Variants in EVI5 observed in about 807,000 individuals in gnomAD.
EVI5 encodes ecotropic viral integration site 5.
Under a neutral mutation model 112.0 loss-of-function variants are expected in EVI5, and 73 were observed. That is an observed-to-expected ratio of 0.65 (90% confidence interval 0.54 to 0.79). The LOEUF (loss-of-function observed/expected upper bound fraction) is 0.79, where lower values mean the gene tolerates loss of function less well. EVI5 is among the 30% of genes least tolerant of loss of function. The pLI, the probability that EVI5 is intolerant of heterozygous loss-of-function variation, is 0.00. For missense variants in EVI5, 900 were observed against 968.8 expected, an observed-to-expected ratio of 0.93 and a Z score of 0.94; for synonymous variants, 305 against 319.9, an observed-to-expected ratio of 0.95 and a Z score of 0.50.
intron 1 of EVI5, among the ~76,000 whole-genome samples, chr1:92,753,013 G>A (rs749577067): frequency 6.6e-6 from 1 of 152,032 alleles, no homozygotes; most frequent in Non-Finnish European, 1.5e-5. Flanking sequence ...ATGACATGAG[G>A]GCAAAACACT....
At chr1:92,694,506 T>C (rs1204510118) in intron 7 of EVI5, 118 bp from the exon 8 acceptor site, 8 of 620,422 alleles carry the variant, frequency 1.3e-5, no homozygotes, top group Non-Finnish European at 2.3e-5. Context: ...CTGGCAAACA[T>C]TTTCTGTCAA....
At chr1:92,784,298 G>A in intron 1 of EVI5, 12 of 985,306 alleles carry the variant, frequency 1.2e-5, no homozygotes, top group Non-Finnish European at 1.4e-5. Context: ...CTAGTCATAA[G>A]GTGATTCAGG....
chr1:92,652,756 T>C (rs1662348784), intron 13 of EVI5, among the ~76,000 whole-genome samples: 1 of 152,142 alleles, frequency 6.6e-6, no homozygotes, highest in African/African-American at 2.4e-5. Context: ...CCAGTTCTCT[T>C]CAGAAAGAAG....
intron 1 of EVI5, among the ~76,000 whole-genome samples, chr1:92,766,768 A>T (rs1362800574): frequency 6.6e-6 from 1 of 152,196 alleles, no homozygotes; most frequent in Non-Finnish European, 1.5e-5. Flanking sequence ...ATTACATGGA[A>T]AATTCCAGAA....
chr1:92,784,550 CTCCG>C (rs59297142), intron 1 of EVI5: 397,714 of 441,942 alleles, frequency 0.9, 179,565 homozygotes, highest in South Asian at 0.97. Flanking sequence ...CCCGAAGCTG[CTCCG>C]TCCCTCCACC....
chr1:92,778,989 C>A (rs1024742827), intron 1 of EVI5, among the ~76,000 whole-genome samples: 3 of 151,008 alleles, frequency 2.0e-5, no homozygotes, highest in Middle Eastern at 3.2e-3. Flanking sequence ...TTTTTTAATT[C>A]TCCATGTGAT....
chr1:92,710,320 C>A (rs1177781328), intron 2 of EVI5, among the ~76,000 whole-genome samples: 2 of 151,862 alleles, frequency 1.3e-5, no homozygotes, highest in African/African-American at 4.8e-5. Flanking sequence ...TGCACTCTAG[C>A]CAGGGTGACA....
intron 9 of EVI5, among the ~76,000 whole-genome samples, chr1:92,677,671 A>G (rs1006468020): frequency 1.3e-5 from 2 of 152,212 alleles, no homozygotes; most frequent in Non-Finnish European, 2.9e-5. Flanking sequence ...CATAGGAGGA[A>G]TAAGGTTAAT....
intron 19 of EVI5, among the ~76,000 whole-genome samples, chr1:92,536,790 T>C (rs1663978379): frequency 6.6e-6 from 1 of 152,116 alleles, no homozygotes. Flanking sequence ...GAGGAGACAA[T>C]GTGCTGTGTG....
intron 10 of EVI5, among the ~76,000 whole-genome samples, chr1:92,669,455 G>A (rs1309726117): frequency 4.7e-5 from 7 of 148,956 alleles, no homozygotes; most frequent in Non-Finnish European, 7.4e-5. Context: ...GGCTGAGGCA[G>A]GAGAATCACT....
chr1:92,595,620 G>A (rs1029692791), intron 18 of EVI5, among the ~76,000 whole-genome samples: 1 of 152,066 alleles, frequency 6.6e-6, no homozygotes, highest in Non-Finnish European at 1.5e-5. Context: ...GGAGGAGGGA[G>A]AAAAACATGG....
chr1:92,527,374 C>T (rs991067992), intron 19 of EVI5, among the ~76,000 whole-genome samples: 1 of 140,568 alleles, frequency 7.1e-6, no homozygotes, highest in African/African-American at 2.7e-5. Flanking sequence ...GAGATGGTGC[C>T]ACTGCACTCC....
intron 2 of EVI5, among the ~76,000 whole-genome samples, chr1:92,707,613 T>C (rs555912701): frequency 5.6e-4 from 86 of 152,286 alleles, no homozygotes; most frequent in African/African-American, 2.1e-3. Flanking sequence ...TATATACATA[T>C]TAGAATGGCT....
At chr1:92,585,663 C>G (rs1028329350) in intron 18 of EVI5, among the ~76,000 whole-genome samples, 2 of 151,976 alleles carry the variant, frequency 1.3e-5, no homozygotes, top group Admixed American at 6.6e-5. Context: ...AAATTAGATA[C>G]TTTTTAGAAA....
intron 1 of EVI5, among the ~76,000 whole-genome samples, chr1:92,748,288 T>C (rs1427980825): frequency 6.6e-6 from 1 of 152,048 alleles, no homozygotes; most frequent in African/African-American, 2.4e-5. Context: ...ACATGGAGAG[T>C]ACAGGCATTC....
In EVI5 at chr1:92,631,789, C is replaced by T. The variant is rs561197041; in HGVS notation, c.1527+4413G>A. ...TCAAAGGGAATGCTTCCAGTTTTTG[C>T]CCATTCAGTATGATATTGGCTGTGG... is the stretch of plus-strand genomic sequence containing the variant. On this transcript the variant is annotated intron_variant, in intron 14 of 19. Transcript: ENST00000684568. Among the ~76,000 whole-genome samples the T allele has an allele frequency of 6.9e-4, 105 of 152,244 alleles. 1 individual carries two copies. Among genetic ancestry groups the T allele is most frequent in the African/African-American group, 2.5e-3 (103 of 41,524 alleles).
At chr1:92,782,115 C>T (rs528974153) in intron 1 of EVI5, among the ~76,000 whole-genome samples, 134 of 151,484 alleles carry the variant, frequency 8.8e-4, no homozygotes, top group African/African-American at 2.3e-3. Context: ...AAAAATTAGC[C>T]GGGCATGGTG....
At chr1:92,600,689 T>G (rs1384699427) in intron 18 of EVI5, among the ~76,000 whole-genome samples, 3 of 152,176 alleles carry the variant, frequency 2.0e-5, no homozygotes, top group Non-Finnish European at 2.9e-5. Flanking sequence ...CAGTTCACAA[T>G]AGGATTCGTG....
chr1:92,673,770 T>C (rs1354319098), intron 10 of EVI5, among the ~76,000 whole-genome samples: 1 of 152,212 alleles, frequency 6.6e-6, no homozygotes, highest in Non-Finnish European at 1.5e-5. Flanking sequence ...GAAGACATTA[T>C]TATCAAAATC....
Sources: allele counts gnomAD v4.1 joint callset (sites outside exome capture counted in the v4.1 genomes callset), GRCh38; gene constraint gnomAD v4.1.1; transcripts MANE v1.5; gene names NCBI Gene and HGNC (gene_info 2026-07-23, HGNC 2026-07-21).